RPAP2: variants seen among roughly 807,000 people sequenced by gnomAD.
RPAP2 encodes the protein RNA polymerase II associated protein 2, also known as putative RNA polymerase II subunit B1 CTD phosphatase RPAP2.
In RPAP2, 52 loss-of-function variants were observed where a neutral mutation model predicts 73.1. The observed-to-expected ratio is 0.71, with a 90% CI of 0.57 to 0.90. The LOEUF (loss-of-function observed/expected upper bound fraction) is 0.90, where lower values mean the gene tolerates loss of function less well. RPAP2 is among the 40% of genes least tolerant of loss of function. RPAP2 has a pLI of 0.00. For synonymous variants in RPAP2, 225 were observed against 242.1 expected (o/e 0.93, Z 0.65); for missense variants, 598 against 701.8 (o/e 0.85, Z 1.67).
Position 92,394,751 on chromosome 1 carries a change from TAGC to T in RPAP2, c.*7743_*7745del, listed in dbSNP as rs2101471695. The T allele has an allele frequency of 6.6e-6, 1 of 152,348 alleles. No homozygotes were observed. The highest frequency in any genetic ancestry group is 6.5e-5 in the Admixed American group (1 of 15,304). 9.4% of individuals were successfully genotyped at this position (152,348 alleles called of 1,614,324 possible). On this transcript the variant is annotated 3_prime_UTR_variant, in exon 13 of 13. Coordinates refer to ENST00000610020, the MANE Select transcript of RPAP2 (RefSeq NM_024813.3). ...ATTGGAAGATCAAATGTTGTTAAGA[TAGC>T]AGTTCTCCCCAAATTAATCTACAAT...
At chr1:92,364,473 C>G (rs1211043631) in intron 11 of RPAP2, among the ~76,000 whole-genome samples, 1 of 152,170 alleles carries the variant, frequency 6.6e-6, no homozygotes, top group Non-Finnish European at 1.5e-5. Context: ...TCAGCTCTGA[C>G]ATCTCTCCTA....
chr1:92,324,639 A>G (rs1652520600), intron 8 of RPAP2, among the ~76,000 whole-genome samples: 1 of 152,190 alleles, frequency 6.6e-6, no homozygotes, highest in South Asian at 2.1e-4. Flanking sequence ...TGGTGGGACA[A>G]AGTTTTCCCT....
At chr1:92,321,264 T>C (rs921740098) in intron 7 of RPAP2, among the ~76,000 whole-genome samples, 5 of 152,176 alleles carry the variant, frequency 3.3e-5, no homozygotes, top group African/African-American at 1.2e-4. Flanking sequence ...GCCTTAAAAC[T>C]CCAAGAGAAA....
Position 92,299,942 on chromosome 1 carries a change from T to C in RPAP2, c.74-252T>C, listed in dbSNP as rs566806611. On this transcript the variant is annotated intron_variant, in intron 1 of 12. Coordinates refer to ENST00000610020, the MANE Select transcript of RPAP2 (RefSeq NM_024813.3). Reference sequence around the variant, plus strand: ...CGATTTCATCCTTGTGTGACCATCATCGAGTGCACTTACACAAACCTAGAT... The same window carrying C: ...CGATTTCATCCTTGTGTGACCATCACCGAGTGCACTTACACAAACCTAGAT... Among the ~76,000 whole-genome samples the C allele has an allele frequency of 3.3e-5, 5 of 152,294 alleles. No homozygotes were observed. The East Asian group carries it at 7.7e-4, about 24-fold the overall frequency.
chr1:92,341,681 G>A (rs6679077), intron 10 of RPAP2, among the ~76,000 whole-genome samples: 7,327 of 152,242 alleles, frequency 0.048, 611 homozygotes, highest in African/African-American at 0.17. Context: ...ATCTTGCTCT[G>A]TCGTCCAGGC....
In RPAP2 at chr1:92,394,475, A is replaced by T. The variant is rs1328526300; in HGVS notation, c.*7464A>T. The T allele has an allele frequency of 3.0e-4, 45 of 151,936 alleles. No individual in the cohort carries two copies. Among genetic ancestry groups the T allele is most frequent in the East Asian group, 3.9e-4 (2 of 5,182 alleles). 9.4% of individuals were successfully genotyped at this position (151,936 alleles called of 1,614,324 possible). On this transcript the variant is annotated 3_prime_UTR_variant, in exon 13 of 13. Transcript: ENST00000610020. The stretch of plus-strand genomic sequence containing the variant: ...TGTAACCCAGAACTTAAAGTATAAT[A>T]AAAAAAATAATTATTAAATTTTAAA...
chr1:92,355,331 T>C (rs1654409843), intron 11 of RPAP2, among the ~76,000 whole-genome samples: 1 of 152,186 alleles, frequency 6.6e-6, no homozygotes, highest in Admixed American at 6.5e-5. Context: ...TTGACTATTG[T>C]TGGCAGTATG....
intron 8 of RPAP2, among the ~76,000 whole-genome samples, chr1:92,330,109 A>G (rs1003375981): frequency 3.9e-5 from 6 of 152,218 alleles, no homozygotes; most frequent in African/African-American, 1.4e-4. Context: ...TGCACCGTCC[A>G]GTTTCTTATT....
rs1244451994 is a variant in RPAP2 at position 92,398,274 on chromosome 1, A to G, written c.*11263A>G. On this transcript the variant is annotated 3_prime_UTR_variant, in exon 13 of 13. Coordinates refer to ENST00000610020, the MANE Select transcript of RPAP2 (RefSeq NM_024813.3). ...TTATTACACATTGCATGCCTGTACC[A>G]AAATATTTCATGTAACCCATAAATA... The G allele has an allele frequency of 6.6e-6, 1 of 152,230 alleles. No homozygotes were observed. The highest frequency in any genetic ancestry group is 1.5e-5 in the Non-Finnish European group (1 of 68,044). The allele number at this position is 152,230 out of a possible 1,614,324, so 9.4% of individuals were successfully genotyped here.
intron 3 of RPAP2, 145 bp downstream of exon 3, chr1:92,301,735 A>G (rs6604089): frequency 3.0e-5 from 12 of 402,652 alleles, no homozygotes. Context: ...TCATGCATTT[A>G]AAAATAAACA....
At chr1:92,333,698 T>G (rs560530975) in intron 9 of RPAP2, among the ~76,000 whole-genome samples, 2 of 152,212 alleles carry the variant, frequency 1.3e-5, no homozygotes, top group East Asian at 3.9e-4. Context: ...AAGAGGAAGG[T>G]TGAGATTGTG....
chr1:92,310,363 G>A (rs1651517957), intron 6 of RPAP2, among the ~76,000 whole-genome samples: 1 of 152,086 alleles, frequency 6.6e-6, no homozygotes, highest in Non-Finnish European at 1.5e-5. Context: ...TTAAAAGCTT[G>A]TCTAGCTATT....
chr1:92,355,230 C>T (rs948342553), intron 11 of RPAP2, among the ~76,000 whole-genome samples: 3 of 152,012 alleles, frequency 2.0e-5, no homozygotes, highest in African/African-American at 7.3e-5. Context: ...ATACAAGGGT[C>T]TCTTGAAACC....
At chr1:92,317,401 AGGAG>A (rs918545190) in intron 6 of RPAP2, among the ~76,000 whole-genome samples, 2 of 151,790 alleles carry the variant, frequency 1.3e-5, no homozygotes, top group Non-Finnish European at 2.9e-5. Context: ...CCAGCTACTC[AGGAG>A]GCTGAGGCAG....
chr1:92,384,829 G>T (rs1446385389), intron 12 of RPAP2, among the ~76,000 whole-genome samples: 2 of 152,026 alleles, frequency 1.3e-5, no homozygotes, highest in African/African-American at 2.4e-5. Flanking sequence ...ATACTCCTCA[G>T]TCCATGACAT....
In RPAP2 at chr1:92,323,966, G is replaced by A; in HGVS notation, c.1046G>A (p.Arg349Lys). The A allele has an allele frequency of 1.2e-6, 2 of 1,614,148 alleles. No individual in the cohort carries two copies. The highest frequency in any genetic ancestry group is 1.7e-6 in the Non-Finnish European group (2 of 1,180,012). ...RKFAKSNQVS[R>K]SVSSSVQVCP... ...TTTGCCAAATCAAACCAAGTGTCTA[G>A]GTCAGTGTCTAGTTCAGTGCAGGTG... Residue 349 changes from arginine (R) to lysine (K), a missense_variant, in exon 8 of 13, where the codon AGG becomes AAG. This residue lies in a region of RPAP2 where 506 missense variants were observed against 612.8 expected (regional missense o/e 0.83). Coordinates refer to ENST00000610020, the MANE Select transcript of RPAP2 (RefSeq NM_024813.3).
rs1379057085 is a variant in RPAP2 at position 92,395,473 on chromosome 1, A to C, written c.*8462A>C. 1.3e-5 allele frequency: 2 copies of C among 151,760 alleles called. No individual in the cohort carries two copies. The highest frequency in any genetic ancestry group is 2.9e-5 in the Non-Finnish European group (2 of 67,944). 9.4% of individuals were successfully genotyped at this position (151,760 alleles called of 1,614,324 possible). A position where few individuals can be genotyped will look rare whatever the true frequency, so the allele number is the denominator to read the frequency against. ...CAACAGAGCAAAATGCCATCTCCAC[A>C]AAAAATACAAAAATTAACCAGGCAT... On this transcript the variant is annotated 3_prime_UTR_variant, in exon 13 of 13. Coordinates refer to ENST00000610020, the MANE Select transcript of RPAP2 (RefSeq NM_024813.3).
At chr1:92,330,523 C>T (rs1652904183) in intron 8 of RPAP2, among the ~76,000 whole-genome samples, 1 of 133,128 alleles carries the variant, frequency 7.5e-6, no homozygotes, top group Non-Finnish European at 1.5e-5. Flanking sequence ...TCTTGGCTCA[C>T]TGCAAACTCC....
At chr1:92,315,858 T>C (rs1571041937) in intron 6 of RPAP2, among the ~76,000 whole-genome samples, 1 of 152,308 alleles carries the variant, frequency 6.6e-6, no homozygotes, top group African/African-American at 2.4e-5. Context: ...CCTGATACCC[T>C]GTTAGAGACA....
Sources: allele counts gnomAD v4.1 joint callset (sites outside exome capture counted in the v4.1 genomes callset), GRCh38; gene constraint gnomAD v4.1.1; regional missense constraint gnomAD v4.1.1; transcripts MANE v1.5; gene names NCBI Gene and HGNC (gene_info 2026-07-23, HGNC 2026-07-21).